Variants in ADD3 observed in about 807,000 individuals in gnomAD.
The protein encoded by ADD3 is gamma-adducin.
Under a neutral mutation model 80.2 loss-of-function variants are expected in ADD3, and 25 were observed. The observed-to-expected ratio is 0.31, with a 90% CI of 0.23 to 0.44. The LOEUF is 0.44. Among genes scored for constraint, ADD3 ranks in the 20% least tolerant of loss-of-function variants. The pLI, the probability that ADD3 is intolerant of heterozygous loss-of-function variation, is 1.00. For missense variants in ADD3, 829 were observed against 847.5 expected (o/e 0.98, Z 0.27); for synonymous variants, 284 against 289.6 (o/e 0.98, Z 0.20).
At chr10:110,022,502 T>C in intron 1 of ADD3, among the ~76,000 whole-genome samples, 1 of 152,194 alleles carries the variant, frequency 6.6e-6, no homozygotes, top group East Asian at 1.9e-4. Context: ...CACCTCCTAA[T>C]TTTATTTCAA....
chr10:110,133,692 T>C lies in ADD3; in HGVS notation c.*74T>C. The C allele has an allele frequency of 8.1e-7, 1 of 1,233,376 alleles. No individual in the cohort carries two copies. The highest frequency in any genetic ancestry group is 2.5e-5 in the East Asian group (1 of 39,950). The allele number at this position is 1,233,376 out of a possible 1,614,324, so 76.4% of individuals were successfully genotyped here. A position where few individuals can be genotyped will look rare whatever the true frequency, so the allele number is the denominator to read the frequency against. ...TAAATACCACATTTAAGTTGATCATTAATATGCAATGGTAGATCAGATTGG... is the reference window on the plus strand; with the variant it reads ...TAAATACCACATTTAAGTTGATCATCAATATGCAATGGTAGATCAGATTGG... On this transcript the variant is annotated 3_prime_UTR_variant, in exon 15 of 15. Coordinates refer to ENST00000356080, the MANE Select transcript of ADD3 (RefSeq NM_016824.5).
chr10:110,009,717 C>A (rs1852104074), intron 1 of ADD3, among the ~76,000 whole-genome samples: 1 of 152,222 alleles, frequency 6.6e-6, no homozygotes, highest in South Asian at 2.1e-4. Flanking sequence ...TTTAACTCTT[C>A]ATCTTTCTGA....
intron 1 of ADD3, among the ~76,000 whole-genome samples, chr10:110,093,153 C>G (rs1427729138): frequency 2.0e-5 from 3 of 152,192 alleles, no homozygotes; most frequent in Admixed American, 6.5e-5. Flanking sequence ...GCCACCACAC[C>G]TGGCCAGAGT....
intron 1 of ADD3, among the ~76,000 whole-genome samples, chr10:110,095,460 A>G (rs1239182623): frequency 6.6e-6 from 1 of 152,258 alleles, no homozygotes; most frequent in African/African-American, 2.4e-5. Context: ...AAATGGAGTC[A>G]TACAATATGT....
At chr10:110,039,844 A>G (rs954333978) in intron 1 of ADD3, among the ~76,000 whole-genome samples, 1 of 152,192 alleles carries the variant, frequency 6.6e-6, no homozygotes, top group South Asian at 2.1e-4. Context: ...ATAGTTCCTC[A>G]TGAGCTTATG....
intron 1 of ADD3, among the ~76,000 whole-genome samples, chr10:110,047,120 G>C (rs1396246987): frequency 6.6e-6 from 1 of 152,128 alleles, no homozygotes; most frequent in Non-Finnish European, 1.5e-5. Flanking sequence ...GAATAATATA[G>C]ATAGCTAGTT....
intron 1 of ADD3, among the ~76,000 whole-genome samples, chr10:110,054,439 CTTTTTTTT>C (rs36097209): frequency 1.2e-5 from 1 of 80,884 alleles, no homozygotes; most frequent in Non-Finnish European, 2.7e-5. Context: ...CCAGTTTTCT[CTTTTTTTT>C]TTTTTTTTTT....
At chr10:110,125,322 T>C (rs777973712) in intron 10 of ADD3, among the ~76,000 whole-genome samples, 15 of 152,226 alleles carry the variant, frequency 9.9e-5, no homozygotes, top group Non-Finnish European at 1.5e-4. Context: ...TTTGCTATTA[T>C]ATACCAGATT....
intron 2 of ADD3, among the ~76,000 whole-genome samples, chr10:110,105,035 TA>T (rs1849255618): frequency 6.6e-6 from 1 of 152,190 alleles, no homozygotes; most frequent in Admixed American, 6.5e-5. Context: ...GAAGAGTTTA[TA>T]ATCACAAGAC....
chr10:110,135,272 C>T lies in ADD3; in HGVS notation c.*1654C>T, dbSNP rs1458190160. ...ATTGGAAGATTTTTTTAATGTTCTA[C>T]ATCATTTATGTTGTATTACAATGTA... On this transcript the variant is annotated 3_prime_UTR_variant, in exon 15 of 15. Transcript: ENST00000356080. 2 of 152,564 alleles carry T rather than the reference C, an allele frequency of 1.3e-5. No individual in the cohort carries two copies. The highest frequency in any genetic ancestry group is 6.6e-5 in the Admixed American group (1 of 15,264). 9.5% of individuals were successfully genotyped at this position (152,564 alleles called of 1,614,324 possible).
intron 1 of ADD3, among the ~76,000 whole-genome samples, chr10:110,034,835 G>A (rs1434259635): frequency 2.0e-5 from 3 of 152,150 alleles, no homozygotes; most frequent in South Asian, 2.1e-4. Flanking sequence ...AAGTTGTGTC[G>A]TTTTGTGAGT....
chr10:110,062,602 A>G (rs1859067379), intron 1 of ADD3, among the ~76,000 whole-genome samples: 1 of 152,184 alleles, frequency 6.6e-6, no homozygotes, highest in Non-Finnish European at 1.5e-5. Context: ...AAATTAATAC[A>G]AACCTACCTT....
chr10:110,048,993 A>T (rs949551117), intron 1 of ADD3, among the ~76,000 whole-genome samples: 14 of 152,310 alleles, frequency 9.2e-5, no homozygotes, highest in African/African-American at 3.4e-4. Context: ...AAATGGTTTC[A>T]TGGACTGGGC....
At chr10:110,055,927 A>G (rs1052684479) in intron 1 of ADD3, among the ~76,000 whole-genome samples, 1 of 152,230 alleles carries the variant, frequency 6.6e-6, no homozygotes. Flanking sequence ...TCTCAATGGA[A>G]TAAGACAGTA....
At chr10:110,000,342 A>G (rs190401602) in intron 1 of ADD3, among the ~76,000 whole-genome samples, 1 of 152,352 alleles carries the variant, frequency 6.6e-6, no homozygotes, top group East Asian at 1.9e-4. Context: ...AATGATTTGT[A>G]TTATGTCAGA....
intron 1 of ADD3, among the ~76,000 whole-genome samples, chr10:110,000,550 T>C (rs1416269071): frequency 1.3e-5 from 2 of 152,256 alleles, no homozygotes; most frequent in Admixed American, 6.5e-5. Context: ...ATAGGGAAAT[T>C]ATTACATTCA....
chr10:110,115,349 A>G (rs1490956045), intron 3 of ADD3, among the ~76,000 whole-genome samples: 1 of 152,084 alleles, frequency 6.6e-6, no homozygotes, highest in Non-Finnish European at 1.5e-5. Flanking sequence ...AGATCGTACC[A>G]TTGCACTCAA....
rs1554926923 is a variant in ADD3, at chr10:110,063,737, T to TATATATATA, written c.-29-36888_-29-36887insATATATATA. 1.7e-3 allele frequency among the ~76,000 whole-genome samples: 107 copies of TATATATATA among 64,672 alleles called. 3 individuals carry two copies. Among genetic ancestry groups the TATATATATA allele is most frequent in the African/African-American group, 6.3e-3 (104 of 16,436 alleles). The allele number at this position is 64,672 out of a possible 152,430, so 42.4% of individuals were successfully genotyped here. A position where few individuals can be genotyped will look rare whatever the true frequency, so the allele number is the denominator to read the frequency against. On this transcript the variant is annotated intron_variant, in intron 1 of 14. Transcript: ENST00000356080. ...TGATGAATATGAATATATATATTCA[T>TATATATATA]TATATATATATATATATATATATAT...
intron 1 of ADD3, among the ~76,000 whole-genome samples, chr10:110,031,626 CAGTACTTAGGATCCTTA>C: frequency 6.6e-6 from 1 of 151,952 alleles, no homozygotes; most frequent in Admixed American, 6.5e-5. Flanking sequence ...GTTGACTGAT[CAGTACTTAGGATCCTTA>C]AGTTGTTTTC....
Sources: gnomAD v4.1 joint callset for allele counts (sites outside exome capture counted in the v4.1 genomes callset) on GRCh38, gnomAD v4.1.1 for gene constraint, MANE v1.5 for transcripts, NCBI Gene and HGNC (gene_info 2026-07-23, HGNC 2026-07-21) for gene names.